MAF: variants seen among roughly 807,000 people sequenced by gnomAD.
The protein encoded by MAF is transcription factor Maf.
In MAF, 10 loss-of-function variants were observed where a neutral mutation model predicts 22.0. The ratio of observed to expected loss-of-function variants is 0.45; its 90% CI spans 0.28 to 0.77. The LOEUF is 0.77. MAF is among the 30% of genes least tolerant of loss of function. MAF has a pLI of 0.12. For missense variants in MAF, 544 were observed against 548.4 expected, an observed-to-expected ratio of 0.99 and a Z score of 0.08; for synonymous variants, 337 against 255.8, an observed-to-expected ratio of 1.32 and a Z score of -3.03.
chr16:79,581,035 G>C (rs2143661243), downstream of MAF, among the ~76,000 whole-genome samples: 1 of 152,230 alleles, frequency 6.6e-6, no homozygotes, highest in South Asian at 2.1e-4. Flanking sequence ...AGAGAAGAGA[G>C]ATGCCAAGCA....
At chr16:79,204,294 C>G in the MAF span, 1 of 152,116 alleles carries the variant, frequency 6.6e-6, no homozygotes, top group African/African-American at 2.4e-5. Flanking sequence ...GAGACAGCCT[C>G]TCAGGTCCGG....
chr16:79,286,665 T>C, the MAF span, among the ~76,000 whole-genome samples: 2 of 152,326 alleles, frequency 1.3e-5, no homozygotes, highest in Admixed American at 1.3e-4. Context: ...CTCACATAGA[T>C]ACAGAACTTG....
chr16:79,312,754 AGAACAT>A, the MAF span, among the ~76,000 whole-genome samples: 1 of 152,240 alleles, frequency 6.6e-6, no homozygotes, highest in Non-Finnish European at 1.5e-5. Flanking sequence ...CCCTTGGAAG[AGAACAT>A]GCCTTCCTTT....
the MAF span, among the ~76,000 whole-genome samples, chr16:79,512,495 C>A: frequency 4.6e-5 from 7 of 152,242 alleles, 1 homozygote; most frequent in South Asian, 4.2e-4. Flanking sequence ...CCAGGCCCAT[C>A]TCCAGGTGTC....
chr16:79,416,098 T>C, the MAF span, among the ~76,000 whole-genome samples: 1 of 152,068 alleles, frequency 6.6e-6, no homozygotes, highest in South Asian at 2.1e-4. Context: ...CAGCTTTGGG[T>C]GGGCTGCAGC....
the MAF span, among the ~76,000 whole-genome samples, chr16:79,239,572 C>T: frequency 1.3e-5 from 2 of 152,040 alleles, no homozygotes; most frequent in Admixed American, 1.3e-4. Context: ...ATCACCTCCA[C>T]AGGGAGGCAT....
Position 79,594,155 on chromosome 16 carries a change from G to T in MAF, c.*305C>A. On this transcript the variant is annotated 3_prime_UTR_variant, in exon 2 of 2. Coordinates refer to ENST00000326043, the MANE Select transcript of MAF (RefSeq NM_005360.5). The stretch of plus-strand genomic sequence containing the variant: ...CCGGGAAACTTTCCATTATATATAT[G>T]CATATATATGTATCTTTGTAATTTC... 2.6e-6 allele frequency: 1 copy of T among 382,406 alleles called. No homozygotes were observed. The highest frequency in any genetic ancestry group is 4.8e-6 in the Non-Finnish European group (1 of 206,274). The allele number at this position is 382,406 out of a possible 1,614,324, so 23.7% of individuals were successfully genotyped here.
chr16:79,413,729 G>T, the MAF span, among the ~76,000 whole-genome samples: 1 of 152,146 alleles, frequency 6.6e-6, no homozygotes, highest in Non-Finnish European at 1.5e-5. Flanking sequence ...GGAAATACTC[G>T]AGTAATATTA....
the MAF span, among the ~76,000 whole-genome samples, chr16:79,372,638 G>A: frequency 2.1e-4 from 32 of 152,148 alleles, no homozygotes; most frequent in Non-Finnish European, 4.1e-4. Flanking sequence ...GGTCTGGCGG[G>A]TGAGCCCCCA....
chr16:79,326,435 A>G, the MAF span, among the ~76,000 whole-genome samples: 1 of 152,226 alleles, frequency 6.6e-6, no homozygotes, highest in African/African-American at 2.4e-5. Flanking sequence ...AAAATCTGCA[A>G]TATATCTAAT....
At chr16:79,526,236 G>C in the MAF span, among the ~76,000 whole-genome samples, 4 of 152,090 alleles carry the variant, frequency 2.6e-5, no homozygotes, top group Admixed American at 2.6e-4. Context: ...GGGTGTTGAG[G>C]GGAGGATTTC....
rs1029898670 is a variant in MAF at position 79,599,341 on chromosome 16, C to CGTGGTG, written c.556_561dup (p.His186_His187dup). 40 of 987,396 alleles carry CGTGGTG rather than the reference C, an allele frequency of 4.1e-5. No individual in the cohort carries two copies. The highest frequency in any genetic ancestry group is 9.1e-5 in the South Asian group (2 of 22,038). The allele number at this position is 987,396 out of a possible 1,614,324, so 61.2% of individuals were successfully genotyped here. A position where few individuals can be genotyped will look rare whatever the true frequency, so the allele number is the denominator to read the frequency against. The stretch of plus-strand genomic sequence containing the variant: ...GTCGGGTGGTGGTGGTGGCCGGCGG[C>CGTGGTG]GTGGTGGTGGTGGTGGTGGTAGTGC... On this transcript the variant is annotated inframe_insertion, in exon 1 of 2. Transcript: ENST00000326043.
the MAF span, among the ~76,000 whole-genome samples, chr16:79,219,615 T>C: frequency 6.7e-6 from 1 of 149,234 alleles, no homozygotes; most frequent in East Asian, 2.0e-4. Flanking sequence ...TGTCCCCTTT[T>C]CACCAATGAG....
At chr16:79,348,822 G>A in the MAF span, among the ~76,000 whole-genome samples, 247 of 152,304 alleles carry the variant, frequency 1.6e-3, 4 homozygotes, top group African/African-American at 5.6e-3. Flanking sequence ...AAATGAGTCA[G>A]GGCAGATATT....
the MAF span, among the ~76,000 whole-genome samples, chr16:79,244,582 G>T: frequency 1.3e-5 from 2 of 152,006 alleles, no homozygotes; most frequent in African/African-American, 4.8e-5. Context: ...ACAAACAAAT[G>T]GAAAAATATT....
chr16:79,548,643 A>T, the MAF span, among the ~76,000 whole-genome samples: 1 of 152,166 alleles, frequency 6.6e-6, no homozygotes, highest in East Asian at 1.9e-4. Flanking sequence ...TATTTTGTGG[A>T]TGGATCCATG....
chr16:79,246,779 A>T, the MAF span, among the ~76,000 whole-genome samples: 1 of 152,142 alleles, frequency 6.6e-6, no homozygotes, highest in Non-Finnish European at 1.5e-5. Flanking sequence ...CCAAGAAAAA[A>T]GTCCAAGAGT....
At chr16:79,496,246 G>C in the MAF span, among the ~76,000 whole-genome samples, 1 of 152,210 alleles carries the variant, frequency 6.6e-6, no homozygotes, top group Admixed American at 6.5e-5. Flanking sequence ...CAAAGAAAGA[G>C]AATAGGGAAT....
the MAF span, among the ~76,000 whole-genome samples, chr16:79,338,903 C>G: frequency 6.6e-6 from 1 of 152,182 alleles, no homozygotes; most frequent in African/African-American, 2.4e-5. Flanking sequence ...AGCTCATGCT[C>G]TCTCTTCCAT....
Sources: gnomAD v4.1 joint callset for allele counts (sites outside exome capture counted in the v4.1 genomes callset) on GRCh38, gnomAD v4.1.1 for gene constraint, MANE v1.5 for transcripts, NCBI Gene and HGNC (gene_info 2026-07-23, HGNC 2026-07-21) for gene names.